Variants in CSMD2 observed in about 807,000 individuals in gnomAD.
The protein encoded by CSMD2 is CUB and sushi domain-containing protein 2.
A neutral mutation model predicts 398.5 loss-of-function variants in CSMD2; 130 were observed. The ratio of observed to expected loss-of-function variants is 0.33; its 90% CI spans 0.28 to 0.38. The LOEUF is 0.38. Among genes scored for constraint, CSMD2 ranks in the 10% least tolerant of loss-of-function variants. CSMD2 has a pLI of 1.00. For synonymous variants in CSMD2, 1,828 were observed against 1,908.5 expected, an observed-to-expected ratio of 0.96 and a Z score of 1.10; for missense variants, 3,829 against 4,764.9, an observed-to-expected ratio of 0.80 and a Z score of 5.78.
intron 14 of CSMD2, among the ~76,000 whole-genome samples, 182 bp downstream of exon 14, chr1:33,743,098 A>T (rs538296700): frequency 6.6e-6 from 1 of 152,320 alleles, no homozygotes; most frequent in East Asian, 1.9e-4. Flanking sequence ...CCTGCCTGGC[A>T]GCCAGTGCTT....
intron 26 of CSMD2, among the ~76,000 whole-genome samples, chr1:33,661,081 C>T (rs1376092204): frequency 4.6e-5 from 7 of 152,208 alleles, no homozygotes; most frequent in Non-Finnish European, 1.5e-5. Flanking sequence ...AAGCAGCCTG[C>T]ATACAGCATA....
At chr1:34,010,792 G>A (rs142801287) in intron 3 of CSMD2, among the ~76,000 whole-genome samples, 1 of 152,126 alleles carries the variant, frequency 6.6e-6, no homozygotes, top group African/African-American at 2.4e-5. Flanking sequence ...CTAATTTTTT[G>A]TATTTTTAGT....
chr1:33,605,613 T>A, intron 41 of CSMD2, 143 bp from the exon 42 acceptor site: 1 of 875,028 alleles, frequency 1.1e-6, no homozygotes, highest in Non-Finnish European at 1.7e-6. Flanking sequence ...GTAAGTAATT[T>A]AACTTGTGTA....
intron 59 of CSMD2, 95 bp from the exon 60 acceptor site, chr1:33,540,793 C>G: frequency 7.1e-7 from 1 of 1,410,852 alleles, no homozygotes; most frequent in African/African-American, 1.4e-5. Context: ...CTGCACCCAC[C>G]TAGAGCCTGG....
At chr1:34,090,768 G>A (rs960698853) in intron 1 of CSMD2, among the ~76,000 whole-genome samples, 16 of 152,160 alleles carry the variant, frequency 1.1e-4, no homozygotes, top group African/African-American at 3.6e-4. Flanking sequence ...CACACTGCAC[G>A]CAGAAGGTGG....
chr1:33,833,759 T>G (rs1659898616), intron 6 of CSMD2, among the ~76,000 whole-genome samples: 1 of 152,108 alleles, frequency 6.6e-6, no homozygotes, highest in South Asian at 2.1e-4. Context: ...AACCCCATTG[T>G]CTCAGCCCAA....
intron 6 of CSMD2, chr1:33,839,763 C>T (rs1660666413): frequency 6.6e-6 from 1 of 152,120 alleles, no homozygotes; most frequent in South Asian, 2.1e-4. Flanking sequence ...GGTGTTTTGC[C>T]TTGGTACATT....
At chr1:33,581,447 G>A (rs1256680836) in intron 47 of CSMD2, among the ~76,000 whole-genome samples, 9 of 140,566 alleles carry the variant, frequency 6.4e-5, no homozygotes, top group East Asian at 6.4e-4. Context: ...GCTAAGGCAC[G>A]AGAATCGCTT....
chr1:33,567,672 A>G lies in CSMD2; in HGVS notation c.8301T>C (p.Ala2767=), dbSNP rs1659179745. Residue 2767 remains alanine, a synonymous_variant, in exon 53 of 71, where the codon GCT becomes GCC. Coordinates refer to ENST00000373381, the MANE Select transcript of CSMD2 (RefSeq NM_001281956.2). ...YRGSVVYQCN[A]GFRLIGMSVR... is the part of the protein sequence containing the mutation. The stretch of plus-strand genomic sequence containing the variant: ...CAGACATGCCGATCAGGCGGAAGCC[A>G]GCATTGCATTGGTACACCACACTGC... 2 of 1,614,200 alleles carry G rather than the reference A, an allele frequency of 1.2e-6. No individual in the cohort carries two copies. Among genetic ancestry groups the G allele is most frequent in the Middle Eastern group, 1.6e-4 (1 of 6,062 alleles).
intron 2 of CSMD2, among the ~76,000 whole-genome samples, chr1:34,077,058 A>AAGGTGAGGTTAAAGGGGGCT (rs1351247258): frequency 9.3e-5 from 14 of 150,382 alleles, no homozygotes; most frequent in African/African-American, 3.2e-4. Flanking sequence ...CAGCTGGAGA[A>AAGGTGAGGTTAAAGGGGGCT]AGGTGAGGTT....
At chr1:34,011,820 CATG>C (rs1220853286) in intron 3 of CSMD2, among the ~76,000 whole-genome samples, 2 of 152,120 alleles carry the variant, frequency 1.3e-5, no homozygotes, top group Non-Finnish European at 2.9e-5. Context: ...AGGTCTTATT[CATG>C]ATAATGATTT....
intron 7 of CSMD2, among the ~76,000 whole-genome samples, chr1:33,821,724 T>C (rs1454157210): frequency 6.6e-6 from 1 of 152,206 alleles, no homozygotes; most frequent in Non-Finnish European, 1.5e-5. Context: ...ATAAGACCAC[T>C]GTCCTCAAGG....
chr1:34,059,603 T>C (rs1430423877), intron 2 of CSMD2, among the ~76,000 whole-genome samples: 1 of 152,236 alleles, frequency 6.6e-6, no homozygotes, highest in African/African-American at 2.4e-5. Context: ...GTTTTTGCGA[T>C]GCCTGTTCAA....
rs1172213963 is a variant in CSMD2, at chr1:33,564,792, T to TAAAATATATAAAAA, written c.8380+2800_8380+2801insTTTTTATATATTTT. Among the ~76,000 whole-genome samples, 411 of 152,120 alleles carry TAAAATATATAAAAA rather than the reference T, an allele frequency of 2.7e-3. 1 individual carries two copies. The highest frequency in any genetic ancestry group is 0.01 in the Middle Eastern group (3 of 294). Reference sequence around the variant, plus strand: ...AAGTTCTCATTATTTTATGGCCCCATCCCATATATAAAAAGCCAAAAGAAG... The same window carrying TAAAATATATAAAAA: ...AAGTTCTCATTATTTTATGGCCCCATAAAATATATAAAAACCCATATATAAAAAGCCAAAAGAAG... On this transcript the variant is annotated intron_variant, in intron 53 of 70. Transcript: ENST00000373381.
At chr1:33,524,528 C>CT (rs1226660097) in intron 66 of CSMD2, among the ~76,000 whole-genome samples, 1 of 151,088 alleles carries the variant, frequency 6.6e-6, no homozygotes, top group Non-Finnish European at 1.5e-5. Flanking sequence ...TTTGAGTTTA[C>CT]TTTTTTTTTG....
intron 1 of CSMD2, among the ~76,000 whole-genome samples, chr1:34,126,042 G>C (rs1395454902): frequency 6.6e-6 from 1 of 152,074 alleles, no homozygotes; most frequent in African/African-American, 2.4e-5. Flanking sequence ...ATCACTGCAG[G>C]GCATGGGAAG....
At chr1:34,111,822 A>G (rs1661105817) in intron 1 of CSMD2, among the ~76,000 whole-genome samples, 1 of 152,158 alleles carries the variant, frequency 6.6e-6, no homozygotes, top group East Asian at 1.9e-4. Context: ...CATATGCCAG[A>G]CACAGCATGA....
At chr1:33,641,662 G>A (rs1643114407) in intron 29 of CSMD2, among the ~76,000 whole-genome samples, 1 of 152,226 alleles carries the variant, frequency 6.6e-6, no homozygotes, top group Admixed American at 6.5e-5. Flanking sequence ...TCTGCCCAGA[G>A]ATGACTAAGA....
intron 25 of CSMD2, among the ~76,000 whole-genome samples, chr1:33,688,293 G>C (rs963951030): frequency 6.6e-6 from 1 of 152,166 alleles, no homozygotes; most frequent in Non-Finnish European, 1.5e-5. Context: ...ATGATTAAGA[G>C]GTAAAACAGA....
Sources: gnomAD v4.1 joint callset for allele counts (sites outside exome capture counted in the v4.1 genomes callset) on GRCh38, gnomAD v4.1.1 for gene constraint, MANE v1.5 for transcripts, NCBI Gene and HGNC (gene_info 2026-07-23, HGNC 2026-07-21) for gene names.